Variants in PPIC observed in about 807,000 individuals in gnomAD.
PPIC encodes the protein peptidylprolyl isomerase C.
PPIC carries 19 observed loss-of-function variants against 19.5 expected under a neutral mutation model. The ratio of observed to expected loss-of-function variants is 0.98; its 90% confidence interval spans 0.68 to 1.43. The LOEUF is 1.43. Among genes scored for constraint, PPIC ranks in the 40% most tolerant of loss-of-function variants. The pLI, the probability that PPIC is intolerant of heterozygous loss-of-function variation, is 0.00. For synonymous variants in PPIC, 107 were observed against 101.2 expected (o/e 1.06, Z -0.34); for missense variants, 268 against 268.6 (o/e 1.00, Z 0.02).
rs1026708814 is a variant in PPIC, at chr5:123,036,327, C to A, written c.117+182G>T. The A allele has an allele frequency of 6.6e-6, 4 of 608,974 alleles. No homozygotes were observed. The highest frequency in any genetic ancestry group is 1.2e-5 in the Non-Finnish European group (4 of 346,146). The allele number at this position is 608,974 out of a possible 1,614,324, so 37.7% of individuals were successfully genotyped here. On this transcript the variant is annotated intron_variant, in intron 1 of 4. Coordinates refer to ENST00000306442, the MANE Select transcript of PPIC (RefSeq NM_000943.5). This position sits in a 1 kb window ranked among gnomAD's most constrained non-coding sequence, Gnocchi z 4.5. ...AGCCCAGCTCCCCCAGGGTCTCCCC[C>A]GGAGCGCCGGCCTCCCAGCACGCGA... is the stretch of plus-strand genomic sequence containing the variant.
intron 4 of PPIC, 61 bp downstream of exon 4, chr5:123,025,723 C>T: frequency 6.6e-7 from 1 of 1,506,926 alleles, no homozygotes; most frequent in Non-Finnish European, 9.1e-7. Flanking sequence ...TAAAATAAAT[C>T]ACTGAAAGTA....
chr5:123,028,725 C>T (rs964596745), intron 3 of PPIC, 50 bp downstream of exon 3: 1 of 1,466,620 alleles, frequency 6.8e-7, no homozygotes, highest in Non-Finnish European at 9.5e-7. Context: ...ACTGGCTTAA[C>T]CTTAGATTTC....
At chr5:123,029,826 T>C (rs1762920434) in intron 1 of PPIC, among the ~76,000 whole-genome samples, 1 of 152,220 alleles carries the variant, frequency 6.6e-6, no homozygotes, top group South Asian at 2.1e-4. Flanking sequence ...AGTAATGCTC[T>C]CTAATCTTGG....
At position 123,036,250 on chromosome 5, in the gene PPIC, C is replaced by A; in HGVS notation, c.117+259G>T. The A allele has an allele frequency of 3.8e-6, 2 of 522,238 alleles. No homozygotes were observed. Among genetic ancestry groups the A allele is most frequent in the Non-Finnish European group, 6.9e-6 (2 of 291,384 alleles). The allele number at this position is 522,238 out of a possible 1,614,324, so 32.4% of individuals were successfully genotyped here. A position where few individuals can be genotyped will look rare whatever the true frequency, so the allele number is the denominator to read the frequency against. On this transcript the variant is annotated intron_variant, in intron 1 of 4. Transcript: ENST00000306442. This position sits in a 1 kb window ranked among gnomAD's most constrained non-coding sequence, Gnocchi z 4.5. Reference sequence around the variant, plus strand: ...CCCCCAGGCTGGTCACCTCGGACTACCGACCCGGGACAAGAAGTCCAAGCA... The same window carrying A: ...CCCCCAGGCTGGTCACCTCGGACTAACGACCCGGGACAAGAAGTCCAAGCA...
Position 123,023,820 on chromosome 5 carries a change from A to ACG in PPIC, c.*54_*55insCG. On this transcript the variant is annotated 3_prime_UTR_variant, in exon 5 of 5. Coordinates refer to ENST00000306442, the MANE Select transcript of PPIC (RefSeq NM_000943.5). ...GAAAGACAACACAACACACACACAC[A>ACG]CACACACACACACACACCCCTGCCA... 1 of 1,595,510 alleles carries ACG rather than the reference A, an allele frequency of 6.3e-7. No homozygotes were observed. Among genetic ancestry groups the ACG allele is most frequent in the South Asian group, 1.1e-5 (1 of 88,288 alleles).
At chr5:123,031,950 C>A (rs769465926) in intron 1 of PPIC, among the ~76,000 whole-genome samples, 1 of 152,168 alleles carries the variant, frequency 6.6e-6, no homozygotes, top group African/African-American at 2.4e-5. Flanking sequence ...GTGTGTACCA[C>A]CACACCTGGC....
rs1264377000 is a variant in PPIC at position 123,025,867 on chromosome 5, C to T, written c.427G>A (p.Gly143Ser). 1.2e-6 allele frequency: 2 copies of T among 1,614,114 alleles called. No homozygotes were observed. The highest frequency in any genetic ancestry group is 3.3e-5 in the Admixed American group (2 of 60,010). The change falls in exon 4 of 5, where the codon GGC becomes AGC. Residue 143 changes from glycine (G) to serine (S), a missense_variant. Physicochemically the swap from Gly to Ser is moderately conservative, Grantham distance 56 (BLOSUM62 0). Coordinates refer to ENST00000306442, the MANE Select transcript of PPIC (RefSeq NM_000943.5). ...SMANAGPDTN[G>S]SQFFITLTKP... is the part of the protein sequence containing the mutation. Reference sequence around the variant, plus strand: ...GTCAAGGTGATAAAGAACTGAGAGCCATTGGTGTCAGGCCCAGCGTTGGCC... The same window carrying T: ...GTCAAGGTGATAAAGAACTGAGAGCTATTGGTGTCAGGCCCAGCGTTGGCC...
chr5:123,032,412 T>A (rs538273221), intron 1 of PPIC, among the ~76,000 whole-genome samples: 1 of 152,282 alleles, frequency 6.6e-6, no homozygotes, highest in Admixed American at 6.5e-5. Context: ...AGGGAAACCC[T>A]AAGGAGTAGA....
chr5:123,026,909 A>T (rs1452851651), intron 3 of PPIC, among the ~76,000 whole-genome samples: 1 of 152,142 alleles, frequency 6.6e-6, no homozygotes, highest in African/African-American at 2.4e-5. Context: ...AAAACCCAGA[A>T]GTAGGCTGGG....
At chr5:123,030,365 A>G (rs1762926215) in intron 1 of PPIC, among the ~76,000 whole-genome samples, 3 of 152,260 alleles carry the variant, frequency 2.0e-5, no homozygotes. Flanking sequence ...GTCAAAGGGC[A>G]TTCTATTAGC....
At chr5:123,024,085 A>G in intron 4 of PPIC, 82 bp from the exon 5 acceptor site, 1 of 1,499,282 alleles carries the variant, frequency 6.7e-7, no homozygotes, top group Non-Finnish European at 9.0e-7. Context: ...GCCAACTCCA[A>G]AAGCCCAAGT....
chr5:123,036,672 G>T lies in PPIC; in HGVS notation c.-47C>A. On this transcript the variant is annotated 5_prime_UTR_variant, in exon 1 of 5. Transcript: ENST00000306442. This position sits in a 1 kb window ranked among gnomAD's most constrained non-coding sequence, Gnocchi z 4.5. ...TACCGGCACGGGCGCTACCGGCACG[G>T]GCGCGACACAGGCTCTGGGACAGCT... 1.3e-6 allele frequency: 2 copies of T among 1,491,862 alleles called. No individual in the cohort carries two copies. The highest frequency in any genetic ancestry group is 9.1e-7 in the Non-Finnish European group (1 of 1,098,290). The allele number at this position is 1,491,862 out of a possible 1,614,324, so 92.4% of individuals were successfully genotyped here.
chr5:123,023,408 GA>G lies in PPIC; in HGVS notation c.*466del, dbSNP rs374302222. On this transcript the variant is annotated 3_prime_UTR_variant, in exon 5 of 5. Coordinates refer to ENST00000306442, the MANE Select transcript of PPIC (RefSeq NM_000943.5). ...TTGATCTAAAAGTATTTAATATAAA[GA>G]ACAGCAAAGCACCCTTTTGTCAGAA... The G allele has an allele frequency of 3.9e-5, 6 of 152,378 alleles. No individual in the cohort carries two copies. The highest frequency in any genetic ancestry group is 1.4e-4 in the African/African-American group (6 of 41,526). The allele number at this position is 152,378 out of a possible 1,614,324, so 9.4% of individuals were successfully genotyped here.
In PPIC at chr5:123,025,927, T is replaced by G; in HGVS notation, c.367A>C (p.Lys123Gln). 6.2e-7 allele frequency: 1 copy of G among 1,609,992 alleles called. No homozygotes were observed. Among genetic ancestry groups the G allele is most frequent in the Non-Finnish European group, 8.5e-7 (1 of 1,178,798 alleles). ...CACCCAATGCCATAGTGCTTCAGCT[T>G]GAAGTTCTCATCTGGAAATGTCTCA... Reference protein sequence around the residue: ...YGETFPDENFKLKHYGIGWVS... With the variant: ...YGETFPDENFQLKHYGIGWVS... Residue 123 changes from lysine (K) to glutamine (Q), a missense_variant, in exon 4 of 5, where the codon AAG becomes CAG. Transcript: ENST00000306442.
chr5:123,029,306 T>G lies in PPIC; in HGVS notation c.230A>C (p.Glu77Ala). 6.2e-7 allele frequency: 1 copy of G among 1,614,018 alleles called. No homozygotes were observed. Among genetic ancestry groups the G allele is most frequent in the Non-Finnish European group, 8.5e-7 (1 of 1,179,972 alleles). Residue 77 changes from glutamate (E) to alanine (A), a missense_variant and splice_region_variant, in exon 2 of 5, where the codon GAG (glutamate) becomes GCG (alanine). Glu to Ala is a moderately radical substitution (Grantham distance 107). Transcript: ENST00000306442. ...VENFVALATG[E>A]KGYGYKGSKF... ...AAAGGAAATAAAATTGAGACATACC[T>G]CTCCTGTTGCTAGAGCAACAAAATT...
chr5:123,027,205 A>T (rs1762872558), intron 3 of PPIC, among the ~76,000 whole-genome samples: 1 of 152,132 alleles, frequency 6.6e-6, no homozygotes, highest in African/African-American at 2.4e-5. Flanking sequence ...AAAGAAAAAA[A>T]AAGCCCAGAA....
chr5:123,025,805 A>G lies in PPIC; in HGVS notation c.489T>C (p.Phe163=). The G allele has an allele frequency of 6.2e-7, 1 of 1,613,322 alleles. No homozygotes were observed. The highest frequency in any genetic ancestry group is 8.5e-7 in the Non-Finnish European group (1 of 1,179,868). The change falls in exon 4 of 5, where the codon TTT becomes TTC. Residue 163 remains phenylalanine, a synonymous_variant. Coordinates refer to ENST00000306442, the MANE Select transcript of PPIC (RefSeq NM_000943.5). ...TTACCATCCCATCAATGACTTTTCC[A>G]AACACCACATGTTTGCCGTCCAACC... ...PTWLDGKHVV[F]GKVIDGMTVV...
Position 123,036,430 on chromosome 5 carries a change from C to A in PPIC, c.117+79G>T, listed in dbSNP as rs979967770. ...GAAGCCTCCACCTCGCCCGCCCTGA[C>A]ACCGAGGTCCCAGTATCCAAAGCGC... On this transcript the variant is annotated intron_variant, in intron 1 of 4. Coordinates refer to ENST00000306442, the MANE Select transcript of PPIC (RefSeq NM_000943.5). The surrounding 1 kb of genome is among the most constrained non-coding windows in gnomAD (Gnocchi z 4.5). The A allele has an allele frequency of 2.3e-6, 3 of 1,325,490 alleles. No homozygotes were observed. In the African/African-American group the frequency reaches 4.3e-5, roughly 19 times the overall value. The allele number at this position is 1,325,490 out of a possible 1,614,324, so 82.1% of individuals were successfully genotyped here.
At chr5:123,031,861 A>G (rs979566112) in intron 1 of PPIC, among the ~76,000 whole-genome samples, 7 of 152,310 alleles carry the variant, frequency 4.6e-5, no homozygotes, top group East Asian at 1.9e-4. Context: ...CAGTGGCACA[A>G]TCTTGGCTCA....
Sources: allele counts gnomAD v4.1 joint callset (sites outside exome capture counted in the v4.1 genomes callset), GRCh38; gene constraint gnomAD v4.1.1; non-coding constraint Gnocchi (gnomAD v3.1); transcripts MANE v1.5; gene names NCBI Gene and HGNC (gene_info 2026-07-23, HGNC 2026-07-21).